Variants in LDB2 observed in about 807,000 individuals in gnomAD.
LDB2 encodes LIM domain binding 2.
LDB2 carries 12 observed loss-of-function variants against 44.3 expected under a neutral mutation model. That is an observed-to-expected ratio of 0.27 (90% confidence interval 0.17 to 0.44). The LOEUF is 0.44. Ranked by LOEUF, LDB2 falls within the 20% of genes least tolerant of loss-of-function variation. The pLI is 1.00. For missense variants in LDB2, 344 were observed against 473.5 expected, an observed-to-expected ratio of 0.73 and a Z score of 2.54; for synonymous variants, 164 against 174.8, an observed-to-expected ratio of 0.94 and a Z score of 0.49.
intron 2 of LDB2, among the ~76,000 whole-genome samples, chr4:16,609,001 G>GA (rs1262391956): frequency 1.3e-5 from 2 of 152,124 alleles, no homozygotes; most frequent in Non-Finnish European, 2.9e-5. Context: ...GGCTCCCATA[G>GA]AAAAAACCGT....
chr4:16,556,282 G>C (rs924780575), intron 5 of LDB2, among the ~76,000 whole-genome samples: 16 of 152,200 alleles, frequency 1.1e-4, no homozygotes, highest in Non-Finnish European at 2.9e-5. Flanking sequence ...CTAGCACCAA[G>C]TCTGGCATCC....
At chr4:16,814,028 C>T (rs1045793777) in intron 1 of LDB2, among the ~76,000 whole-genome samples, 7 of 151,956 alleles carry the variant, frequency 4.6e-5, no homozygotes, top group Admixed American at 1.3e-4. Context: ...CCCACCACCA[C>T]GCCTGGCTAA....
At chr4:16,782,124 C>T (rs1331420231) in intron 1 of LDB2, among the ~76,000 whole-genome samples, 1 of 152,146 alleles carries the variant, frequency 6.6e-6, no homozygotes, top group African/African-American at 2.4e-5. Flanking sequence ...CATACTATTC[C>T]AAACCGCAGG....
chr4:16,708,480 C>G (rs1301850699), intron 2 of LDB2, among the ~76,000 whole-genome samples: 3 of 152,046 alleles, frequency 2.0e-5, no homozygotes, highest in Non-Finnish European at 4.4e-5. Context: ...TCCTCTTCCC[C>G]TCTCCTCCTC....
chr4:16,535,099 A>G (rs1331144277), intron 5 of LDB2, among the ~76,000 whole-genome samples: 1 of 152,222 alleles, frequency 6.6e-6, no homozygotes, highest in Non-Finnish European at 1.5e-5. Flanking sequence ...ATCTGGAGCA[A>G]GGGGCTTCGG....
At chr4:16,555,462 C>T (rs537213552) in intron 5 of LDB2, among the ~76,000 whole-genome samples, 10 of 152,052 alleles carry the variant, frequency 6.6e-5, no homozygotes, top group Non-Finnish European at 1.3e-4. Context: ...TACACATACA[C>T]ACACCAACAA....
At chr4:16,827,910 G>A (rs1326030328) in intron 1 of LDB2, among the ~76,000 whole-genome samples, 6 of 152,006 alleles carry the variant, frequency 3.9e-5, no homozygotes, top group Admixed American at 6.6e-5. Flanking sequence ...ATCTCCTAAC[G>A]GCCATCAGGC....
At chr4:16,535,616 G>A (rs1731555964) in intron 5 of LDB2, among the ~76,000 whole-genome samples, 1 of 152,144 alleles carries the variant, frequency 6.6e-6, no homozygotes, top group Non-Finnish European at 1.5e-5. Context: ...GGCTGTGTTG[G>A]CAAAGCCTTC....
chr4:16,859,090 C>G (rs1052922417), intron 1 of LDB2, among the ~76,000 whole-genome samples: 12 of 152,178 alleles, frequency 7.9e-5, no homozygotes. Context: ...GCACTACCAC[C>G]ACTCCACAAC....
intron 3 of LDB2, among the ~76,000 whole-genome samples, chr4:16,593,415 G>C (rs1007713413): frequency 1.3e-5 from 2 of 148,482 alleles, no homozygotes; most frequent in Non-Finnish European, 3.0e-5. Context: ...ATTAATATAA[G>C]AAAAACAACA....
chr4:16,809,491 T>C (rs1779392150), intron 1 of LDB2, among the ~76,000 whole-genome samples: 1 of 152,174 alleles, frequency 6.6e-6, no homozygotes, highest in Non-Finnish European at 1.5e-5. Flanking sequence ...ACAATTACTA[T>C]ACACTAAGAC....
intron 2 of LDB2, among the ~76,000 whole-genome samples, chr4:16,659,774 G>GA (rs1741032890): frequency 1.3e-5 from 2 of 151,558 alleles, no homozygotes; most frequent in Non-Finnish European, 2.9e-5. Context: ...GGAAGACAAA[G>GA]AAAACAGAAT....
chr4:16,676,133 G>T (rs760671239), intron 2 of LDB2, among the ~76,000 whole-genome samples: 1 of 152,196 alleles, frequency 6.6e-6, no homozygotes, highest in Non-Finnish European at 1.5e-5. Flanking sequence ...CCACCGCAGG[G>T]CGTGGAGGAG....
chr4:16,869,030 G>C (rs1467038136), intron 1 of LDB2, among the ~76,000 whole-genome samples: 1 of 152,116 alleles, frequency 6.6e-6, no homozygotes, highest in Admixed American at 6.5e-5. Context: ...TGTTGATGAT[G>C]ATGAATGGTG....
intron 2 of LDB2, among the ~76,000 whole-genome samples, chr4:16,611,996 G>A (rs1051916693): frequency 1.3e-5 from 2 of 152,076 alleles, no homozygotes; most frequent in Non-Finnish European, 2.9e-5. Context: ...CAAAAGAACG[G>A]AAATAATAAC....
At chr4:16,860,346 C>A (rs1444951485) in intron 1 of LDB2, among the ~76,000 whole-genome samples, 1 of 152,212 alleles carries the variant, frequency 6.6e-6, no homozygotes, top group Non-Finnish European at 1.5e-5. Flanking sequence ...AGGAGCACCA[C>A]TGTCACACAG....
intron 1 of LDB2, among the ~76,000 whole-genome samples, chr4:16,821,787 T>C (rs1261420411): frequency 7.9e-6 from 1 of 125,984 alleles, no homozygotes; most frequent in African/African-American, 3.0e-5. Flanking sequence ...ATTTATAAGG[T>C]AAAGCCACTG....
chr4:16,769,305 T>A (rs577292803), intron 1 of LDB2, among the ~76,000 whole-genome samples: 2,603 of 10,444 alleles, frequency 0.25, 70 homozygotes, highest in African/African-American at 0.32. Context: ...TTTATTTTTA[T>A]TTTTTTTTGA....
intron 1 of LDB2, among the ~76,000 whole-genome samples, chr4:16,871,621 C>CTTTTT (rs369989468): frequency 2.4e-5 from 3 of 124,812 alleles, no homozygotes; most frequent in East Asian, 8.3e-4. Context: ...ACCACTCTTT[C>CTTTTT]TTTTTTTTTT....
Sources: allele counts gnomAD v4.1 joint callset (sites outside exome capture counted in the v4.1 genomes callset), GRCh38; gene constraint gnomAD v4.1.1; transcripts MANE v1.5; gene names NCBI Gene and HGNC (gene_info 2026-07-23, HGNC 2026-07-21).